The following IK variants were observed in gnomAD, a reference collection of about 807,000 sequenced individuals.
IK encodes IK cytokine.
Under a neutral mutation model 90.9 loss-of-function variants are expected in IK, and 47 were observed. That is an observed-to-expected ratio of 0.52 (90% CI 0.41 to 0.66). The LOEUF (loss-of-function observed/expected upper bound fraction) is 0.66, where lower values mean the gene tolerates loss of function less well. Ranked by LOEUF, IK falls within the 30% of genes least tolerant of loss-of-function variation. The probability of loss-of-function intolerance (pLI) is 0.00; values close to 1 mark genes in which losing one functional copy is unlikely to be tolerated. For missense variants in IK, 385 were observed against 709.3 expected (o/e 0.54, Z 5.19); for synonymous variants, 201 against 227.5 (o/e 0.88, Z 1.05).
rs1214397385 is a variant in IK at position 140,648,568 on chromosome 5, G to T, written c.83+31G>T. Reference sequence around the variant, plus strand: ...TATTTTGTGCTAGGACCATGGAAATGAGTTGGGCAATGAATAGAAAAGTGG... The same window carrying T: ...TATTTTGTGCTAGGACCATGGAAATTAGTTGGGCAATGAATAGAAAAGTGG... On this transcript the variant is annotated intron_variant, in intron 2 of 19. Coordinates refer to ENST00000417647, the MANE Select transcript of IK (RefSeq NM_006083.4). 3 of 1,593,068 alleles carry T rather than the reference G, an allele frequency of 1.9e-6. No homozygotes were observed. In the Admixed American group the frequency reaches 5.0e-5, roughly 27 times the overall value.
chr5:140,660,382 C>G (rs1231570455), intron 15 of IK, 187 bp downstream of exon 15: 6 of 542,208 alleles, frequency 1.1e-5, no homozygotes, highest in Non-Finnish European at 2.0e-5. Flanking sequence ...GCTGCAATCT[C>G]CATCTCCCGG....
chr5:140,653,135 C>A lies in IK; in HGVS notation c.395C>A (p.Thr132Asn). Reference sequence around the variant, plus strand: ...GCTAACTATAGGGCTGTTGGCCCCACTGCTGAGGCGTGAGTACTGAGGGAA... The same window carrying A: ...GCTAACTATAGGGCTGTTGGCCCCAATGCTGAGGCGTGAGTACTGAGGGAA... Reference protein sequence around the residue: ...TTANYRAVGPTAEADKSAAEK... With the variant: ...TTANYRAVGPNAEADKSAAEK... The change falls in exon 5 of 20, where the codon ACT becomes AAT. Residue 132 changes from threonine (T) to asparagine (N), a missense_variant. By Grantham distance (65) the Thr-to-Asn change is moderately conservative. Around this residue, in one of 8 missense-constraint regions of IK, gnomAD observed 64 missense variants for 144.6 expected, o/e 0.44. Transcript: ENST00000417647. 6.2e-7 allele frequency: 1 copy of A among 1,613,718 alleles called. No individual in the cohort carries two copies. The highest frequency in any genetic ancestry group is 8.5e-7 in the Non-Finnish European group (1 of 1,179,742).
intron 8 of IK, 138 bp from the exon 9 acceptor site, chr5:140,655,691 A>G (rs1757697424): frequency 1.3e-6 from 1 of 747,606 alleles, no homozygotes; most frequent in Non-Finnish European, 2.2e-6. Flanking sequence ...AATAATATCC[A>G]CTTCATAGGG....
rs753799036 is a variant in IK at position 140,653,010 on chromosome 5, G to A, written c.270G>A (p.Glu90=). 1.2e-6 allele frequency: 2 copies of A among 1,612,812 alleles called. No individual in the cohort carries two copies. Among genetic ancestry groups the A allele is most frequent in the Non-Finnish European group, 1.7e-6 (2 of 1,179,122 alleles). The change falls in exon 5 of 20, where the codon GAG becomes GAA. Residue 90 remains glutamate, a synonymous_variant. Coordinates refer to ENST00000417647, the MANE Select transcript of IK (RefSeq NM_006083.4). ...CCAAGCTACGCCAACAAGAAATTGA[G>A]AGAGAGAGAGAGCTAGCAGAGAAGT... The part of the protein sequence containing the change: ...YYAKLRQQEI[E]RERELAEKYR...
intron 1 of IK, 142 bp downstream of exon 1, chr5:140,648,066 T>C: frequency 4.2e-6 from 4 of 950,222 alleles, no homozygotes; most frequent in Non-Finnish European, 6.8e-6. Context: ...GTGTGACGCT[T>C]GAGCCCGGAG....
chr5:140,654,764 G>A (rs1442757529), intron 8 of IK, 37 bp downstream of exon 8: 3 of 1,337,388 alleles, frequency 2.2e-6, no homozygotes, highest in Admixed American at 1.9e-5. Flanking sequence ...TATGCATTCT[G>A]GATGAATTGT....
intron 2 of IK, among the ~76,000 whole-genome samples, chr5:140,650,986 A>G (rs1209441463): frequency 6.6e-6 from 1 of 152,206 alleles, no homozygotes; most frequent in East Asian, 1.9e-4. Flanking sequence ...TTGCTGGCTC[A>G]TAGGATATAT....
chr5:140,660,796 A>G lies in IK; in HGVS notation c.1394A>G (p.Asp465Gly). The G allele has an allele frequency of 6.2e-7, 1 of 1,613,576 alleles. No individual in the cohort carries two copies. The highest frequency in any genetic ancestry group is 8.5e-7 in the Non-Finnish European group (1 of 1,179,560). Residue 465 changes from aspartate (D) to glycine (G), a missense_variant, in exon 16 of 20, where the codon GAT (aspartate) becomes GGT (glycine). Physicochemically the swap from Asp to Gly is moderately conservative, Grantham distance 94. This residue lies in a region of IK where 23 missense variants were observed against 115.2 expected (regional missense o/e 0.20). Transcript: ENST00000417647. Reference protein sequence around the residue: ...DMAVDSDEEVDYSKMDQGNKK... With the variant: ...DMAVDSDEEVGYSKMDQGNKK... ...GCTGTGGATAGTGATGAGGAGGTGG[A>G]TTATAGCAAAATGGACCAGGTATGT...
At chr5:140,654,272 ACTTCC>A in intron 6 of IK, among the ~76,000 whole-genome samples, 1 of 152,308 alleles carries the variant, frequency 6.6e-6, no homozygotes, top group Non-Finnish European at 1.5e-5. Context: ...GTGGTTAAGC[ACTTCC>A]CTTCACCTCC....
At chr5:140,654,389 C>T in intron 6 of IK, 127 bp from the exon 7 acceptor site, 1 of 756,420 alleles carries the variant, frequency 1.3e-6, no homozygotes, top group Non-Finnish European at 2.2e-6. Context: ...GCTATAAGCT[C>T]CATTAGAGTA....
At chr5:140,653,490 G>T (rs1256723835) in intron 5 of IK, among the ~76,000 whole-genome samples, 2 of 149,306 alleles carry the variant, frequency 1.3e-5, no homozygotes, top group Non-Finnish European at 3.0e-5. Context: ...GTTTCACCGT[G>T]TTAGCCAGGC....
At chr5:140,656,104 A>G in intron 9 of IK, 112 bp downstream of exon 9, 1 of 951,904 alleles carries the variant, frequency 1.1e-6, no homozygotes, top group Non-Finnish European at 1.5e-6. Flanking sequence ...GTTCACTTTT[A>G]CCTCCTAAAT....
Position 140,661,857 on chromosome 5 carries a change from T to G in IK, c.1503-42T>G, listed in dbSNP as rs1228807101. Reference sequence around the variant, plus strand: ...GACTCTGGGAAAACCTCGCCACTGCTATGCAATCTCTGATGCATTCTTTCC... The same window carrying G: ...GACTCTGGGAAAACCTCGCCACTGCGATGCAATCTCTGATGCATTCTTTCC... On this transcript the variant is annotated intron_variant, in intron 17 of 19. Coordinates refer to ENST00000417647, the MANE Select transcript of IK (RefSeq NM_006083.4). This position sits in a 1 kb window ranked among gnomAD's most constrained non-coding sequence, Gnocchi z 4.2. 6.5e-7 allele frequency: 1 copy of G among 1,536,808 alleles called. No homozygotes were observed. Among genetic ancestry groups the G allele is most frequent in the Admixed American group, 1.9e-5 (1 of 53,124 alleles).
In IK at chr5:140,661,877, C is replaced by A. The variant is rs769301330; in HGVS notation, c.1503-22C>A. The A allele has an allele frequency of 1.3e-6, 2 of 1,584,742 alleles. No individual in the cohort carries two copies. Among genetic ancestry groups the A allele is most frequent in the South Asian group, 1.1e-5 (1 of 87,294 alleles). On this transcript the variant is annotated intron_variant, in intron 17 of 19. Coordinates refer to ENST00000417647, the MANE Select transcript of IK (RefSeq NM_006083.4). This position sits in a 1 kb window ranked among gnomAD's most constrained non-coding sequence, Gnocchi z 4.2. ...ACTGCTATGCAATCTCTGATGCATT[C>A]TTTCCCAACTGCTTTTTTCAGGGCT...
In IK at chr5:140,661,016, C is replaced by T; in HGVS notation, c.1413+201C>T. On this transcript the variant is annotated intron_variant, in intron 16 of 19. Coordinates refer to ENST00000417647, the MANE Select transcript of IK (RefSeq NM_006083.4). This position sits in a 1 kb window ranked among gnomAD's most constrained non-coding sequence, Gnocchi z 4.2. ...TGCACAAGATCAAATGACATAGGGT[C>T]AAAAATCTATTTTTTACTTCCTATA... 1 of 481,888 alleles carries T rather than the reference C, an allele frequency of 2.1e-6. No individual in the cohort carries two copies. The highest frequency in any genetic ancestry group is 3.7e-6 in the Non-Finnish European group (1 of 272,750). 29.9% of individuals were successfully genotyped at this position (481,888 alleles called of 1,614,324 possible).
chr5:140,657,217 A>C (rs1283113836), intron 9 of IK, among the ~76,000 whole-genome samples: 2 of 152,200 alleles, frequency 1.3e-5, no homozygotes, highest in Non-Finnish European at 2.9e-5. Flanking sequence ...TAAATAAATA[A>C]AATGTAAATT....
chr5:140,648,539 T>C lies in IK; in HGVS notation c.83+2T>C. ...GGATGATCCTCACTCCTTCCACCAG[T>C]GAGTATTTTGTGCTAGGACCATGGA... On this transcript the variant is annotated splice_donor_variant, in intron 2 of 19. Coordinates refer to ENST00000417647, the MANE Select transcript of IK (RefSeq NM_006083.4). LOFTEE classifies it high-confidence loss of function. 1 of 1,613,586 alleles carries C rather than the reference T, an allele frequency of 6.2e-7. No homozygotes were observed.
At position 140,660,767 on chromosome 5, in the gene IK, CAT is replaced by C. The variant is rs1757791414; in HGVS notation, c.1366_1367del (p.Met456GlyfsTer4). 1.2e-6 allele frequency: 2 copies of C among 1,613,224 alleles called. No homozygotes were observed. The highest frequency in any genetic ancestry group is 4.5e-5 in the East Asian group (2 of 44,880). On this transcript the variant is annotated frameshift_variant, in exon 16 of 20. Transcript: ENST00000417647. LOFTEE classifies it high-confidence loss of function. ...TCTTGCTTCTCCTTAGGATGGATGA[CAT>C]GGCTGTGGATAGTGATGAGGAGGTG... ...AECYPATMDD[M>X]AVDSDEEVDY... is the part of the protein sequence containing the mutation.
Position 140,661,093 on chromosome 5 carries a change from C to G in IK, c.1413+278C>G. On this transcript the variant is annotated intron_variant, in intron 16 of 19. Transcript: ENST00000417647. This position sits in a 1 kb window ranked among gnomAD's most constrained non-coding sequence, Gnocchi z 4.2. The stretch of plus-strand genomic sequence containing the variant: ...GGTAGGCAGTAAGCAAGCATCAATG[C>G]ATAAGTAGAAAGGGCAGAAAAAATT... 2.5e-6 allele frequency: 1 copy of G among 394,810 alleles called. No individual in the cohort carries two copies. The highest frequency in any genetic ancestry group is 8.2e-5 in the South Asian group (1 of 12,208). 24.5% of individuals were successfully genotyped at this position (394,810 alleles called of 1,614,324 possible).
Sources: allele counts gnomAD v4.1 joint callset (sites outside exome capture counted in the v4.1 genomes callset), GRCh38; gene constraint gnomAD v4.1.1; regional missense constraint gnomAD v4.1.1; non-coding constraint Gnocchi (gnomAD v3.1); transcripts MANE v1.5; gene names NCBI Gene and HGNC (gene_info 2026-07-23, HGNC 2026-07-21).